ZNF83: variants seen among roughly 807,000 people sequenced by gnomAD.
The protein encoded by ZNF83 is zinc finger protein 816B.
For missense variants in ZNF83, 552 were observed against 629.9 expected, an observed-to-expected ratio of 0.88 and a Z score of 1.32; for synonymous variants, 209 against 213.0, an observed-to-expected ratio of 0.98 and a Z score of 0.17.
At chr19:52,616,026 C>T (rs373927763) in intron 2 of ZNF83, among the ~76,000 whole-genome samples, 10 of 152,224 alleles carry the variant, frequency 6.6e-5, no homozygotes, top group African/African-American at 2.2e-4. Context: ...TTAATAGAGA[C>T]GGGGCTTCAC....
intron 1 of ZNF83, among the ~76,000 whole-genome samples, chr19:52,676,126 G>A (rs1006848405): frequency 6.2e-4 from 94 of 152,292 alleles, no homozygotes; most frequent in Middle Eastern, 3.4e-3. Flanking sequence ...AATTGCAGGC[G>A]CGCGCCGCCA....
chr19:52,614,073 A>AAGGTGTGACATATTATGG (rs752883136), exon 3 of ZNF83: 2 of 1,613,214 alleles, frequency 1.2e-6, no homozygotes, highest in Non-Finnish European at 1.7e-6. Context: ...GATGCTGTGC[A>AAGGTGTGACATATTATGG]AGGTGTGACA....
chr19:52,614,007 A>G (rs536260857), exon 3 of ZNF83: 2 of 1,610,722 alleles, frequency 1.2e-6, no homozygotes, highest in Middle Eastern at 1.7e-4. Context: ...AAATTTGATT[A>G]AAGACCTTGC....
chr19:52,644,443 G>A (rs939637283), intron 3 of ZNF83, among the ~76,000 whole-genome samples: 13 of 152,228 alleles, frequency 8.5e-5, no homozygotes, highest in Non-Finnish European at 1.8e-4. Context: ...AGATGTGTCT[G>A]AATTCTTACA....
At chr19:52,631,187 C>T (rs560850502) in intron 2 of ZNF83, among the ~76,000 whole-genome samples, 21 of 150,600 alleles carry the variant, frequency 1.4e-4, no homozygotes, top group African/African-American at 4.9e-4. Flanking sequence ...AAATTTCTTC[C>T]TCATCTGTTA....
intron 2 of ZNF83, among the ~76,000 whole-genome samples, chr19:52,615,128 A>G (rs924691157): frequency 6.6e-6 from 1 of 152,206 alleles, no homozygotes; most frequent in African/African-American, 2.4e-5. Flanking sequence ...AATAGAAGGA[A>G]AACATATGGC....
intron 2 of ZNF83, among the ~76,000 whole-genome samples, chr19:52,633,019 T>C (rs900906560): frequency 6.6e-6 from 1 of 152,188 alleles, no homozygotes; most frequent in Non-Finnish European, 1.5e-5. Context: ...TCGTTTTATT[T>C]TTCTTATTAA....
At chr19:52,689,757 C>T (rs376786736) in intron 1 of ZNF83, among the ~76,000 whole-genome samples, 1,957 of 143,432 alleles carry the variant, frequency 0.014, 7 homozygotes, top group Middle Eastern at 0.032. Flanking sequence ...GCTCTCTGTC[C>T]GTCTCCTGAT....
exon 3 of ZNF83, chr19:52,613,174 T>C (rs1480404402): frequency 6.2e-6 from 10 of 1,614,046 alleles, no homozygotes; most frequent in Non-Finnish European, 8.5e-6. Flanking sequence ...ACTAAAAGCT[T>C]TGCCACATTC....
At chr19:52,664,776 C>T (rs1459301436) in intron 1 of ZNF83, among the ~76,000 whole-genome samples, 2 of 151,434 alleles carry the variant, frequency 1.3e-5, no homozygotes, top group African/African-American at 4.9e-5. Flanking sequence ...GGGGAAGAGG[C>T]CTGGGCTGTG....
chr19:52,655,480 T>C, intron 3 of ZNF83: 1 of 1,293,898 alleles, frequency 7.7e-7, no homozygotes, highest in Non-Finnish European at 1.1e-6. Context: ...TGCGGCAAAA[T>C]CACAAAAGAG....
At chr19:52,653,778 T>C (rs2061473438) in intron 3 of ZNF83, among the ~76,000 whole-genome samples, 1 of 152,236 alleles carries the variant, frequency 6.6e-6, no homozygotes, top group African/African-American at 2.4e-5. Flanking sequence ...ATGCAAGGTA[T>C]TGCTTTTGAT....
At chr19:52,655,473 G>T in intron 3 of ZNF83, 4 of 1,237,264 alleles carry the variant, frequency 3.2e-6, no homozygotes, top group Admixed American at 2.0e-5. Flanking sequence ...GCATGTATGC[G>T]GCAAAATCAC....
chr19:52,662,502 C>T (rs1403212585), intron 1 of ZNF83, among the ~76,000 whole-genome samples: 1 of 152,086 alleles, frequency 6.6e-6, no homozygotes, highest in African/African-American at 2.4e-5. Flanking sequence ...TGGACAGAGA[C>T]AAGGAGAGGT....
At chr19:52,684,836 A>G (rs1276100116) in intron 1 of ZNF83, among the ~76,000 whole-genome samples, 1 of 152,036 alleles carries the variant, frequency 6.6e-6, no homozygotes, top group Admixed American at 6.5e-5. Flanking sequence ...TCATGAGATG[A>G]GGGCAAGCTC....
chr19:52,681,123 A>G (rs1469317295), intron 1 of ZNF83, among the ~76,000 whole-genome samples: 2 of 151,604 alleles, frequency 1.3e-5, no homozygotes, highest in Non-Finnish European at 2.9e-5. Flanking sequence ...CTTCTCTACT[A>G]AAAATATAAA....
At chr19:52,685,393 A>AT (rs139341286) in intron 1 of ZNF83, among the ~76,000 whole-genome samples, 2,681 of 152,272 alleles carry the variant, frequency 0.018, 76 homozygotes, top group African/African-American at 0.06. Context: ...ATCCTTGAAA[A>AT]TTACAGAAGC....
At chr19:52,667,161 T>C (rs572556286) in intron 1 of ZNF83, among the ~76,000 whole-genome samples, 10 of 151,350 alleles carry the variant, frequency 6.6e-5, no homozygotes, top group African/African-American at 2.4e-4. Flanking sequence ...TCTTGTGACC[T>C]TAGGCAGTCT....
At chr19:52,639,999 A>G (rs1338614990), upstream of ZNF83, among the ~76,000 whole-genome samples, 2 of 152,192 alleles carry the variant, frequency 1.3e-5, no homozygotes, top group Non-Finnish European at 2.9e-5. Context: ...GGACTTGACA[A>G]CACTCTTGGT....
Sources: gnomAD v4.1 joint callset for allele counts (sites outside exome capture counted in the v4.1 genomes callset) on GRCh38, gnomAD v4.1.1 for gene constraint, MANE v1.5 for transcripts, NCBI Gene and HGNC (gene_info 2026-07-23, HGNC 2026-07-21) for gene names.